Variants in GLRA2 observed in about 807,000 individuals in gnomAD.
GLRA2 encodes glycine receptor alpha 2.
Under a neutral mutation model 31.6 loss-of-function variants are expected in GLRA2, and 11 were observed. The ratio of observed to expected loss-of-function variants is 0.35; its 90% CI spans 0.22 to 0.58. The LOEUF (loss-of-function observed/expected upper bound fraction) is 0.58. Among genes scored for constraint, GLRA2 ranks in the 20% least tolerant of loss-of-function variants. The pLI is 0.84. For missense variants in GLRA2, 212 were observed against 351.8 expected (o/e 0.60, Z 3.18); for synonymous variants, 132 against 134.0 (o/e 0.99, Z 0.10).
intron 4 of GLRA2, among the ~76,000 whole-genome samples, chrX:14,589,603 G>A (rs775298583): frequency 1.9e-5 from 2 of 106,580 alleles, no homozygotes; most frequent in South Asian, 4.3e-4. Flanking sequence ...CTCAGGAGGC[G>A]GAGGCTGCAG....
chrX:14,625,804 A>G (rs2090582109), intron 7 of GLRA2, among the ~76,000 whole-genome samples: 1 of 111,793 alleles, frequency 8.9e-6, no homozygotes. Context: ...TTTTACTGTT[A>G]TGTGGGGAAG....
At chrX:14,522,800 T>C in the GLRA2 span, among the ~76,000 whole-genome samples, 14 of 111,972 alleles carry the variant, frequency 1.3e-4, no homozygotes, top group Admixed American at 1.2e-3. Flanking sequence ...GCAGTAGGTC[T>C]CAAGAGTGGA....
At chrX:14,580,028 G>A (rs1342201473) in intron 3 of GLRA2, among the ~76,000 whole-genome samples, 1 of 111,716 alleles carries the variant, frequency 9.0e-6, no homozygotes, top group Admixed American at 9.5e-5. Flanking sequence ...TTGCCATCCT[G>A]AAATGGTCTC....
chrX:14,715,569 T>C (rs1197972245), intron 8 of GLRA2, among the ~76,000 whole-genome samples: 2 of 111,388 alleles, frequency 1.8e-5, no homozygotes, highest in African/African-American at 6.5e-5. Flanking sequence ...TATGGAGACA[T>C]GTACTACAGG....
the GLRA2 span, among the ~76,000 whole-genome samples, chrX:14,452,881 C>T: frequency 1.8e-5 from 2 of 111,880 alleles, no homozygotes; most frequent in African/African-American, 6.5e-5. Flanking sequence ...TTCAGGTTTT[C>T]CTCGCCTTTC....
chrX:14,544,645 G>A (rs2089453923), intron 2 of GLRA2, among the ~76,000 whole-genome samples: 1 of 111,134 alleles, frequency 9.0e-6, no homozygotes, highest in Non-Finnish European at 1.9e-5. Context: ...AAGTTTCTCT[G>A]TTTAAAAATG....
At chrX:14,507,686 A>ATTTTTTTTTTTTTTTTTTTTTTTTTTT in the GLRA2 span, among the ~76,000 whole-genome samples, 1 of 56,065 alleles carries the variant, frequency 1.8e-5, no homozygotes, top group Non-Finnish European at 3.9e-5. Context: ...TACGAAAGAC[A>ATTTTTTTTTTTTTTTTTTTTTTTTTTT]TTCTTTTTTT....
At chrX:14,604,729 A>C (rs1012214504) in intron 5 of GLRA2, among the ~76,000 whole-genome samples, 2 of 110,567 alleles carry the variant, frequency 1.8e-5, no homozygotes, top group African/African-American at 3.3e-5. Context: ...TCTCCTGAGA[A>C]AATTAAAATT....
upstream of GLRA2, among the ~76,000 whole-genome samples, chrX:14,528,802 A>G (rs1477029517): frequency 2.7e-5 from 3 of 111,392 alleles, no homozygotes; most frequent in Middle Eastern, 4.2e-3. Flanking sequence ...AACCATGGCA[A>G]GAAAAGATTG....
At chrX:14,722,981 G>C (rs1250850891) in intron 8 of GLRA2, among the ~76,000 whole-genome samples, 5 of 112,698 alleles carry the variant, frequency 4.4e-5, no homozygotes, top group Non-Finnish European at 3.7e-5. Flanking sequence ...AATTTTAACT[G>C]TATTGGCTAA....
At chrX:14,483,718 GTTA>G in the GLRA2 span, among the ~76,000 whole-genome samples, 7 of 112,044 alleles carry the variant, frequency 6.2e-5, no homozygotes, top group African/African-American at 2.3e-4. Context: ...AAGTGTGATG[GTTA>G]ATACTGAGTG....
chrX:14,482,439 G>A, the GLRA2 span, among the ~76,000 whole-genome samples: 1 of 110,888 alleles, frequency 9.0e-6, no homozygotes, highest in Non-Finnish European at 1.9e-5. Context: ...GAAGTGGAGG[G>A]TGGGGAAACT....
intron 4 of GLRA2, among the ~76,000 whole-genome samples, chrX:14,588,767 T>C (rs893991532): frequency 1.3e-4 from 14 of 111,774 alleles, no homozygotes; most frequent in Non-Finnish European, 2.3e-4. Context: ...CAGCAGTGTT[T>C]TGTAGTTCTT....
rs185626376 is a variant in GLRA2, at chrX:14,639,515, A to T, written c.930+30310A>T. Among the ~76,000 whole-genome samples, 6 of 112,123 alleles carry T rather than the reference A, an allele frequency of 5.4e-5. No individual in the cohort carries two copies. In the Admixed American group the frequency reaches 5.7e-4, roughly 11 times the overall value. ...GAAAATTCCCTCCTGCACTGCAATT[A>T]CTTATGTTTTTCTCTATTCAGTGAC... On this transcript the variant is annotated intron_variant, in intron 7 of 8. Coordinates refer to ENST00000218075, the MANE Select transcript of GLRA2 (RefSeq NM_002063.4).
At chrX:14,528,661 A>C (rs2089213196), upstream of GLRA2, among the ~76,000 whole-genome samples, 1 of 112,313 alleles carries the variant, frequency 8.9e-6, no homozygotes, top group Non-Finnish European at 1.9e-5. Context: ...TAGCCAATTT[A>C]GGAGAATAGC....
chrX:14,481,326 C>G, the GLRA2 span, among the ~76,000 whole-genome samples: 1 of 111,355 alleles, frequency 9.0e-6, no homozygotes, highest in Non-Finnish European at 1.9e-5. Context: ...CTCTCTCAGC[C>G]TCACTAAGCC....
intron 7 of GLRA2, among the ~76,000 whole-genome samples, chrX:14,681,904 A>ATATAT (rs1295348729): frequency 1.3e-4 from 5 of 37,984 alleles, no homozygotes; most frequent in Non-Finnish European, 2.8e-4. Context: ...AAAAAAAAAA[A>ATATAT]AAAAAAATAT....
the GLRA2 span, among the ~76,000 whole-genome samples, chrX:14,483,692 A>G: frequency 2.7e-5 from 3 of 112,034 alleles, no homozygotes; most frequent in Non-Finnish European, 3.8e-5. Context: ...TTGCATTTTT[A>G]AAAAGTGTGG....
chrX:14,595,240 T>C (rs2090188948), intron 4 of GLRA2, among the ~76,000 whole-genome samples: 1 of 111,933 alleles, frequency 8.9e-6, no homozygotes, highest in Non-Finnish European at 1.9e-5. Context: ...TTGAAACACA[T>C]TTCTCTTCCT....
Sources: allele counts gnomAD v4.1 joint callset (sites outside exome capture counted in the v4.1 genomes callset), GRCh38; gene constraint gnomAD v4.1.1; transcripts MANE v1.5; gene names NCBI Gene and HGNC (gene_info 2026-07-23, HGNC 2026-07-21).